XPC: variants seen among roughly 807,000 people sequenced by gnomAD.
The protein encoded by XPC is XPC complex subunit, DNA damage recognition and repair factor.
A neutral mutation model predicts 95.8 loss-of-function variants in XPC; 76 were observed. That is an observed-to-expected ratio of 0.79 (90% confidence interval 0.66 to 0.96). The LOEUF is 0.96. Ranked by LOEUF, XPC falls within the 40% of genes least tolerant of loss-of-function variation. The pLI is 0.00. For missense variants in XPC, 1,146 were observed against 1,179.8 expected (o/e 0.97, Z 0.42); for synonymous variants, 442 against 442.1 (o/e 1.00, Z 0.00).
chr3:14,164,779 T>C, intron 7 of XPC, 34 bp downstream of exon 7: 1 of 1,608,418 alleles, frequency 6.2e-7, no homozygotes, highest in East Asian at 2.2e-5. Context: ...TTAACAGTAC[T>C]GATAAAAAAC....
intron 5 of XPC, among the ~76,000 whole-genome samples, chr3:14,166,469 C>A (rs1249878265): frequency 1.3e-5 from 2 of 152,140 alleles, no homozygotes; most frequent in African/African-American, 2.4e-5. Flanking sequence ...TCCTCTCAGG[C>A]AGCCCACCAT....
rs112302625 is a variant in XPC, at chr3:14,149,273, G to A, written c.2116-325C>T. On this transcript the variant is annotated intron_variant, in intron 11 of 15. Coordinates refer to ENST00000285021, the MANE Select transcript of XPC (RefSeq NM_004628.5). ...TAATTTTTGTATTTTTAGTAGAGAC[G>A]GGGGTTTCACCATGTTGGCCAGGCT... is the stretch of plus-strand genomic sequence containing the variant. Among the ~76,000 whole-genome samples the A allele has an allele frequency of 8.6e-3, 1,310 of 151,872 alleles. 24 individuals carry two copies. Among genetic ancestry groups the A allele is most frequent in the African/African-American group, 0.03 (1,229 of 41,400 alleles).
intron 2 of XPC, 97 bp downstream of exon 2, chr3:14,172,770 T>A (rs1574977108): frequency 1.5e-6 from 2 of 1,350,046 alleles, no homozygotes; most frequent in Admixed American, 2.6e-5. Context: ...CAATCTTCCA[T>A]GGACCCCAGT....
rs1403382911 is a variant in XPC at position 14,158,762 on chromosome 3, T to G, written c.1121A>C (p.Lys374Thr). The part of the protein sequence containing the change: ...KGTKQEETFA[K>T]GTCRPSAKGK... ...TTTGGCACTTGGCCTGCAGGTGCCC[T>G]TAGCAAAGGTTTCCTCTTGTTTGGT... Residue 374 changes from lysine (K) to threonine (T), a missense_variant, in exon 9 of 16, where the codon AAG (lysine) becomes ACG (threonine). By Grantham distance (78) the Lys-to-Thr change is moderately conservative. Coordinates refer to ENST00000285021, the MANE Select transcript of XPC (RefSeq NM_004628.5). The surrounding 1 kb of genome is among the most constrained non-coding windows in gnomAD (Gnocchi z 5.2). The G allele has an allele frequency of 8.1e-6, 13 of 1,613,952 alleles. No homozygotes were observed. Among genetic ancestry groups the G allele is most frequent in the Non-Finnish European group, 1.1e-5 (13 of 1,179,876 alleles).
chr3:14,152,403 T>C lies in XPC; in HGVS notation c.2047A>G (p.Thr683Ala). 6.2e-7 allele frequency: 1 copy of C among 1,611,962 alleles called. No individual in the cohort carries two copies. The highest frequency in any genetic ancestry group is 8.5e-7 in the Non-Finnish European group (1 of 1,179,096). ...AGCCACGTGTCCCTGGAATGCAGAG[T>C]GTGCACACAATCCCTGTGGAACCAA... ...EAVYSRDCVH[T>A]LHSRDTWLKK... The change falls in exon 11 of 16, where the codon ACT becomes GCT. Residue 683 changes from threonine to alanine, a missense_variant. Thr to Ala is a moderately conservative substitution (Grantham distance 58). Coordinates refer to ENST00000285021, the MANE Select transcript of XPC (RefSeq NM_004628.5).
At chr3:14,154,379 CCAAAAGG>C (rs1695817000) in intron 10 of XPC, among the ~76,000 whole-genome samples, 1 of 152,112 alleles carries the variant, frequency 6.6e-6, no homozygotes, top group South Asian at 2.1e-4. Flanking sequence ...TTCACAACAG[CCAAAAGG>C]TGGAGACGAG....
chr3:14,155,411 AT>A (rs1183925395), intron 10 of XPC, among the ~76,000 whole-genome samples: 3 of 151,080 alleles, frequency 2.0e-5, no homozygotes, highest in African/African-American at 2.4e-5. Flanking sequence ...TCCTGTTTCT[AT>A]TTTTTTCTTA....
intron 5 of XPC, 142 bp downstream of exon 5, chr3:14,167,027 C>T (rs1696407637): frequency 3.2e-6 from 2 of 628,238 alleles, no homozygotes; most frequent in Admixed American, 7.8e-5. Flanking sequence ...ACCCCCACCT[C>T]CCAGATGAGG....
At chr3:14,146,252 C>A in intron 15 of XPC, 93 bp from the exon 16 acceptor site, 1 of 1,208,910 alleles carries the variant, frequency 8.3e-7, no homozygotes, top group African/African-American at 1.5e-5. Context: ...CCCAGCCTGC[C>A]CTAAGCTGTG....
chr3:14,151,788 AG>A (rs1311129079), intron 11 of XPC: 3 of 155,188 alleles, frequency 1.9e-5, no homozygotes, highest in Non-Finnish European at 2.8e-5. Context: ...ACTGGCTTTA[AG>A]GCAGAGCCTG....
intron 10 of XPC, among the ~76,000 whole-genome samples, chr3:14,155,910 C>T (rs1695886547): frequency 6.6e-6 from 1 of 152,190 alleles, no homozygotes; most frequent in South Asian, 2.1e-4. Flanking sequence ...CCATTCACAA[C>T]ATTGTACAAC....
chr3:14,172,493 G>T (rs937945291), intron 2 of XPC, among the ~76,000 whole-genome samples: 3 of 152,202 alleles, frequency 2.0e-5, no homozygotes, highest in African/African-American at 7.2e-5. Flanking sequence ...ATGATGAGAA[G>T]CTCAGGTGGG....
At chr3:14,152,122 G>A (rs553545503) in intron 11 of XPC, 1 of 517,828 alleles carries the variant, frequency 1.9e-6, no homozygotes, top group East Asian at 3.5e-5. Context: ...TTTGTGTTTT[G>A]GAAGATCCAT....
intron 15 of XPC, among the ~76,000 whole-genome samples, chr3:14,147,005 A>ATG (rs1559367618): frequency 6.6e-6 from 1 of 152,138 alleles, no homozygotes. Context: ...GGCCCTCCCT[A>ATG]TGTGTTCAGC....
At position 14,145,388 on chromosome 3, in the gene XPC, C is replaced by A. The variant is rs1250220478; in HGVS notation, c.*553G>T. Reference sequence around the variant, plus strand: ...ACTAGATCCCAGCAGATGACCTGTACTTCTCTGCTCTCTCCCCTACTGCAA... The same window carrying A: ...ACTAGATCCCAGCAGATGACCTGTAATTCTCTGCTCTCTCCCCTACTGCAA... On this transcript the variant is annotated 3_prime_UTR_variant, in exon 16 of 16. Transcript: ENST00000285021. 1 of 699,808 alleles carries A rather than the reference C, an allele frequency of 1.4e-6. No homozygotes were observed. Among genetic ancestry groups the A allele is most frequent in the Non-Finnish European group, 2.6e-6 (1 of 384,578 alleles). The allele number at this position is 699,808 out of a possible 1,614,324, so 43.3% of individuals were successfully genotyped here.
intron 5 of XPC, among the ~76,000 whole-genome samples, chr3:14,166,240 G>A (rs186182090): frequency 7.1e-4 from 108 of 151,688 alleles, no homozygotes; most frequent in Middle Eastern, 3.4e-3. Context: ...TTAATCAATA[G>A]TGCTGCCTCT....
rs372048184 is a variant in XPC, at chr3:14,156,384, C to T, written c.1984G>A (p.Glu662Lys). ...HLLKYEAIYP[E>K]TAAILGYCRG... ...CAATACCCAAGGATGGCAGCTGTCT[C>T]GGGATAGATGGCCTCATATTTCAGG... The change falls in exon 10 of 16, where the codon GAG becomes AAG. Residue 662 changes from glutamate (E) to lysine (K), a missense_variant. By Grantham distance (56) the Glu-to-Lys change is moderately conservative. Transcript: ENST00000285021. The T allele has an allele frequency of 1.1e-4, 171 of 1,613,852 alleles. No homozygotes were observed. The highest frequency in any genetic ancestry group is 1.7e-4 in the Admixed American group (10 of 60,000).
At chr3:14,166,321 T>C (rs1426709652) in intron 5 of XPC, among the ~76,000 whole-genome samples, 4 of 151,720 alleles carry the variant, frequency 2.6e-5, no homozygotes, top group Non-Finnish European at 5.9e-5. Flanking sequence ...CAACAAGAGG[T>C]GAAAGGCACA....
chr3:14,145,260 C>G lies in XPC; in HGVS notation c.*681G>C. On this transcript the variant is annotated 3_prime_UTR_variant, in exon 16 of 16. Coordinates refer to ENST00000285021, the MANE Select transcript of XPC (RefSeq NM_004628.5). ...GAATACAATCTAGTTTAACACTCAT[C>G]TATTTTACTAACATTTCCTTAATTT... 1 of 688,504 alleles carries G rather than the reference C, an allele frequency of 1.5e-6. No homozygotes were observed. Among genetic ancestry groups the G allele is most frequent in the South Asian group, 1.5e-5 (1 of 65,440 alleles). The allele number at this position is 688,504 out of a possible 1,614,324, so 42.6% of individuals were successfully genotyped here.
Sources: gnomAD v4.1 joint callset for allele counts (sites outside exome capture counted in the v4.1 genomes callset) on GRCh38, gnomAD v4.1.1 for gene constraint, Gnocchi (gnomAD v3.1) non-coding constraint, MANE v1.5 for transcripts, NCBI Gene and HGNC (gene_info 2026-07-23, HGNC 2026-07-21) for gene names.